RFX4: variants seen among roughly 807,000 people sequenced by gnomAD.
RFX4 encodes regulatory factor X4.
RFX4 carries 10 observed loss-of-function variants against 95.0 expected under a neutral mutation model. That is an observed-to-expected ratio of 0.11 (90% CI 0.06 to 0.18). RFX4 has a LOEUF of 0.18. RFX4 is among the 10% of genes least tolerant of loss of function. RFX4 has a pLI of 1.00. For missense variants in RFX4, 640 were observed against 922.0 expected (o/e 0.69, Z 3.96); for synonymous variants, 321 against 340.7 (o/e 0.94, Z 0.64).
At chr12:106,705,449 A>G (rs954158484) in intron 8 of RFX4, among the ~76,000 whole-genome samples, 1 of 152,168 alleles carries the variant, frequency 6.6e-6, no homozygotes, top group Non-Finnish European at 1.5e-5. Context: ...AGGTGGAGGG[A>G]AAGCGGAGGA....
At chr12:106,718,889 T>G (rs1592977359) in intron 11 of RFX4, among the ~76,000 whole-genome samples, 1 of 149,860 alleles carries the variant, frequency 6.7e-6, no homozygotes, top group African/African-American at 2.5e-5. Context: ...GGCGGGCGGA[T>G]CACGAGGTCA....
At chr12:106,666,889 C>T (rs1185180993) in intron 4 of RFX4, among the ~76,000 whole-genome samples, 1 of 151,914 alleles carries the variant, frequency 6.6e-6, no homozygotes, top group African/African-American at 2.4e-5. Context: ...TTCTGACATC[C>T]TTGCCTTGTC....
intron 3 of RFX4, among the ~76,000 whole-genome samples, chr12:106,651,080 G>T (rs2040848638): frequency 6.6e-6 from 1 of 152,048 alleles, no homozygotes; most frequent in South Asian, 2.1e-4. Context: ...CATTTGTGTG[G>T]CATTTAAAGA....
chr12:106,712,431 G>A (rs1216104083), intron 10 of RFX4, among the ~76,000 whole-genome samples: 3 of 152,096 alleles, frequency 2.0e-5, no homozygotes, highest in Non-Finnish European at 4.4e-5. Context: ...CCTCACTCCT[G>A]AATGTCACCT....
intron 2 of RFX4, among the ~76,000 whole-genome samples, chr12:106,630,703 C>A (rs1366638832): frequency 6.6e-6 from 1 of 152,180 alleles, no homozygotes; most frequent in African/African-American, 2.4e-5. Context: ...TAAACTTGAA[C>A]CTTTCCTGGG....
At chr12:106,627,895 G>C (rs542769313) in intron 2 of RFX4, among the ~76,000 whole-genome samples, 1 of 152,192 alleles carries the variant, frequency 6.6e-6, no homozygotes, top group Non-Finnish European at 1.5e-5. Flanking sequence ...GCAGAAAGGC[G>C]TTCAGGCAGC....
rs141001278 is a variant in RFX4 at position 106,658,444 on chromosome 12, C to T, written c.315+4093C>T. 6.9e-3 allele frequency among the ~76,000 whole-genome samples: 1,054 copies of T among 152,308 alleles called. 17 individuals carry two copies. Among genetic ancestry groups the T allele is most frequent in the African/African-American group, 0.024 (1,010 of 41,576 alleles). The stretch of plus-strand genomic sequence containing the variant: ...CACATCAGTCTTGGCTGAATAATTA[C>T]AGCTCATTCTCAGCTATTAAAAAGT... On this transcript the variant is annotated intron_variant, in intron 4 of 17. Coordinates refer to ENST00000392842, the MANE Select transcript of RFX4 (RefSeq NM_213594.3).
intron 14 of RFX4, 27 bp downstream of exon 14, chr12:106,732,276 C>A: frequency 6.2e-7 from 1 of 1,612,454 alleles, no homozygotes; most frequent in Non-Finnish European, 8.5e-7. Flanking sequence ...CTGGGAATTG[C>A]ACCACTTGGT....
chr12:106,646,197 G>A (rs1211107602), intron 3 of RFX4, among the ~76,000 whole-genome samples: 2 of 151,882 alleles, frequency 1.3e-5, no homozygotes, highest in East Asian at 1.9e-4. Context: ...GATGTTCTGC[G>A]GGGCCTTATT....
At chr12:106,754,403 T>C (rs868151819) in intron 17 of RFX4, among the ~76,000 whole-genome samples, 1 of 152,234 alleles carries the variant, frequency 6.6e-6, no homozygotes, top group African/African-American at 2.4e-5. Flanking sequence ...TGGGTAACTA[T>C]GTGCAAGCAC....
At chr12:106,736,262 G>A (rs1461111137) in intron 15 of RFX4, among the ~76,000 whole-genome samples, 1 of 152,180 alleles carries the variant, frequency 6.6e-6, no homozygotes, top group Non-Finnish European at 1.5e-5. Context: ...TCAATATTAA[G>A]CTCCCACATA....
At position 106,601,310 on chromosome 12, in the gene RFX4, G is replaced by C. The variant is rs780280679; in HGVS notation, c.44-7487G>C. ...AAGGAGAGCCCACCCTGGTGCGGGA[G>C]GCGACAGGACCAGGCCTCGACGGCG... On this transcript the variant is annotated intron_variant, in intron 1 of 17. Coordinates refer to ENST00000392842, the MANE Select transcript of RFX4 (RefSeq NM_213594.3). The C allele has an allele frequency of 1.9e-6, 3 of 1,596,000 alleles. No individual in the cohort carries two copies. In the African/African-American group the frequency reaches 4.0e-5, roughly 21 times the overall value.
chr12:106,601,287 G>A, intron 1 of RFX4: 1 of 1,593,148 alleles, frequency 6.3e-7, no homozygotes, highest in South Asian at 1.1e-5. Flanking sequence ...ATGATCAAAA[G>A]GAGAGCCCAC....
At chr12:106,726,032 C>CG (rs1565996345) in intron 13 of RFX4, among the ~76,000 whole-genome samples, 1 of 151,786 alleles carries the variant, frequency 6.6e-6, no homozygotes, top group East Asian at 1.9e-4. Context: ...AGGCAGATCA[C>CG]GAGGTCAGGA....
chr12:106,760,239 G>A (rs1359104389), intron 17 of RFX4, among the ~76,000 whole-genome samples: 1 of 152,176 alleles, frequency 6.6e-6, no homozygotes, highest in Non-Finnish European at 1.5e-5. Context: ...GCACAGCAAA[G>A]AAATCTTTGT....
At chr12:106,696,254 A>G in intron 7 of RFX4, 29 bp from the exon 8 acceptor site, 1 of 1,613,150 alleles carries the variant, frequency 6.2e-7, no homozygotes, top group Non-Finnish European at 8.5e-7. Flanking sequence ...GGGTAACCTC[A>G]TGATTCTTCT....
At chr12:106,588,309 C>A (rs2039493031) in intron 1 of RFX4, among the ~76,000 whole-genome samples, 1 of 152,190 alleles carries the variant, frequency 6.6e-6, no homozygotes, top group Middle Eastern at 3.2e-3. Context: ...CCTCCATCCC[C>A]AAAGGATTTA....
chr12:106,649,058 A>G (rs1381446451), intron 3 of RFX4, among the ~76,000 whole-genome samples: 1 of 152,186 alleles, frequency 6.6e-6, no homozygotes. Context: ...GTTGTTAAAT[A>G]GAAGATAAGG....
chr12:106,616,389 T>G (rs764564831), intron 2 of RFX4, among the ~76,000 whole-genome samples: 16 of 152,190 alleles, frequency 1.1e-4, no homozygotes, highest in Non-Finnish European at 1.8e-4. Flanking sequence ...GTTAAGGATT[T>G]TGGCATCTAT....
Sources: gnomAD v4.1 joint callset for allele counts (sites outside exome capture counted in the v4.1 genomes callset) on GRCh38, gnomAD v4.1.1 for gene constraint, MANE v1.5 for transcripts, NCBI Gene and HGNC (gene_info 2026-07-23, HGNC 2026-07-21) for gene names.